Variants in ANKRD12 observed in about 807,000 individuals in gnomAD.
The protein encoded by ANKRD12 is ankyrin repeat domain 12.
ANKRD12 carries 85 observed loss-of-function variants against 183.4 expected under a neutral mutation model. The observed-to-expected ratio is 0.46, with a 90% confidence interval of 0.39 to 0.56. The LOEUF is 0.56. Ranked by LOEUF, ANKRD12 falls within the 20% of genes least tolerant of loss-of-function variation. ANKRD12 has a pLI of 0.00. For synonymous variants in ANKRD12, 914 were observed against 800.2 expected, an observed-to-expected ratio of 1.14 and a Z score of -2.40; for missense variants, 2,405 against 2,357.1, an observed-to-expected ratio of 1.02 and a Z score of -0.42.
intron 1 of ANKRD12, among the ~76,000 whole-genome samples, chr18:9,159,004 C>G (rs1205575882): frequency 6.6e-6 from 1 of 152,122 alleles, no homozygotes; most frequent in East Asian, 1.9e-4. Flanking sequence ...ACCTGTATGC[C>G]TTTGACATAT....
rs556110119 is a variant in ANKRD12, at chr18:9,149,100, C to T, written c.-52+12135C>T. Among the ~76,000 whole-genome samples, 8 of 152,288 alleles carry T rather than the reference C, an allele frequency of 5.3e-5. No individual in the cohort carries two copies. In the South Asian group the frequency reaches 1.7e-3, roughly 32 times the overall value. On this transcript the variant is annotated intron_variant, in intron 1 of 12. Transcript: ENST00000262126. ...TTCCCTCTTCTTGAAATTCCCTACC[C>T]CTACCTCCGTACGCATGCACCCAAA...
intron 6 of ANKRD12, among the ~76,000 whole-genome samples, chr18:9,214,137 C>T (rs540717844): frequency 6.6e-5 from 10 of 151,774 alleles, no homozygotes; most frequent in Admixed American, 2.0e-4. Flanking sequence ...AGATGAACTG[C>T]ATAGCCTAGA....
At chr18:9,203,666 A>T (rs1427893195) in intron 3 of ANKRD12, among the ~76,000 whole-genome samples, 2 of 152,078 alleles carry the variant, frequency 1.3e-5, no homozygotes, top group Non-Finnish European at 2.9e-5. Context: ...GTACAATGGC[A>T]TGATCTCAGC....
chr18:9,186,672 G>A (rs1453903515), intron 2 of ANKRD12, among the ~76,000 whole-genome samples: 5 of 151,432 alleles, frequency 3.3e-5, no homozygotes, highest in African/African-American at 9.7e-5. Flanking sequence ...TTAAGACAAA[G>A]TGAAGAAGTT....
chr18:9,157,192 A>G (rs1356129285), intron 1 of ANKRD12, among the ~76,000 whole-genome samples: 2 of 152,324 alleles, frequency 1.3e-5, no homozygotes, highest in African/African-American at 2.4e-5. Flanking sequence ...CACCTAGTCT[A>G]CTGAACATCA....
At chr18:9,211,928 G>A (rs573880494) in intron 6 of ANKRD12, 144 bp downstream of exon 6, 585 of 677,590 alleles carry the variant, frequency 8.6e-4, no homozygotes, top group Admixed American at 2.8e-3. Context: ...TTTGGAGTTC[G>A]TACATAAAAC....
intron 1 of ANKRD12, among the ~76,000 whole-genome samples, chr18:9,149,788 A>ATTTT (rs768757220): frequency 6.8e-6 from 1 of 146,268 alleles, no homozygotes. Flanking sequence ...TTATTTATTT[A>ATTTT]TTAAATTTTA....
At chr18:9,205,442 G>T (rs775431642) in intron 4 of ANKRD12, among the ~76,000 whole-genome samples, 2 of 151,910 alleles carry the variant, frequency 1.3e-5, no homozygotes, top group Non-Finnish European at 2.9e-5. Context: ...TGTGGGGTTG[G>T]GTTAGGGGCA....
At chr18:9,166,161 A>T (rs2032040687) in intron 1 of ANKRD12, among the ~76,000 whole-genome samples, 1 of 152,158 alleles carries the variant, frequency 6.6e-6, no homozygotes, top group African/African-American at 2.4e-5. Context: ...TGCTGTTGTG[A>T]ATAGTGCCGC....
At chr18:9,264,498 C>G (rs1393472090) in intron 10 of ANKRD12, among the ~76,000 whole-genome samples, 2 of 152,054 alleles carry the variant, frequency 1.3e-5, no homozygotes, top group African/African-American at 4.8e-5. Flanking sequence ...TTGTATATAA[C>G]TTCTTTGGTT....
At chr18:9,252,540 C>T (rs2038358817) in intron 8 of ANKRD12, among the ~76,000 whole-genome samples, 1 of 152,142 alleles carries the variant, frequency 6.6e-6, no homozygotes, top group Non-Finnish European at 1.5e-5. Flanking sequence ...AAAAAGTAGG[C>T]ATCTTTTAAA....
At position 9,222,014 on chromosome 18, in the gene ANKRD12, A is replaced by ATC. The variant is rs559314329; in HGVS notation, c.943+17_943+18dup. 1.7e-4 allele frequency: 281 copies of ATC among 1,611,760 alleles called. No individual in the cohort carries two copies. Among genetic ancestry groups the ATC allele is most frequent in the Non-Finnish European group, 2.3e-4 (274 of 1,179,040 alleles). The stretch of plus-strand genomic sequence containing the variant: ...AAGTTACACAGGTTTGTTTCAGATA[A>ATC]TCTACATTCATCTGTTCGTTTGACA... On this transcript the variant is annotated intron_variant, in intron 8 of 12. Coordinates refer to ENST00000262126, the MANE Select transcript of ANKRD12 (RefSeq NM_015208.5).
intron 1 of ANKRD12, among the ~76,000 whole-genome samples, chr18:9,147,967 G>C (rs2078548841): frequency 6.6e-6 from 1 of 152,154 alleles, no homozygotes; most frequent in Non-Finnish European, 1.5e-5. Flanking sequence ...AATTTTTCTA[G>C]TTTTCAGGGT....
intron 3 of ANKRD12, among the ~76,000 whole-genome samples, chr18:9,202,902 T>C (rs936286180): frequency 4.6e-5 from 7 of 152,204 alleles, no homozygotes; most frequent in African/African-American, 1.7e-4. Context: ...GTCAGAGTGG[T>C]TGCTTACTTC....
intron 2 of ANKRD12, among the ~76,000 whole-genome samples, chr18:9,186,232 C>T (rs1161903068): frequency 1.3e-5 from 2 of 149,824 alleles, no homozygotes; most frequent in Non-Finnish European, 2.9e-5. Flanking sequence ...AAAAGTGTAG[C>T]AACAATAGCA....
rs577615078 is a variant in ANKRD12 at position 9,285,314 on chromosome 18, C to G, written c.*4188C>G. On this transcript the variant is annotated 3_prime_UTR_variant, in exon 13 of 13. Coordinates refer to ENST00000262126, the MANE Select transcript of ANKRD12 (RefSeq NM_015208.5). The stretch of plus-strand genomic sequence containing the variant: ...AGCGTGACGGTGCCTGCCTGTAGTC[C>G]TAGCTACTTGGGAGGTTGAGACAGG... The G allele has an allele frequency of 6.6e-6, 1 of 150,844 alleles. No homozygotes were observed. The highest frequency in any genetic ancestry group is 1.9e-4 in the East Asian group (1 of 5,134). The allele number at this position is 150,844 out of a possible 1,614,324, so 9.3% of individuals were successfully genotyped here.
chr18:9,157,585 G>GTGTGTATATATATATATA (rs1472659778), intron 1 of ANKRD12, among the ~76,000 whole-genome samples: 3 of 92,680 alleles, frequency 3.2e-5, no homozygotes, highest in African/African-American at 1.6e-4. Flanking sequence ...GTGTGTGTGT[G>GTGTGTATATATATATATA]TATATATATA....
At chr18:9,159,686 G>A (rs908865542) in intron 1 of ANKRD12, among the ~76,000 whole-genome samples, 17 of 151,448 alleles carry the variant, frequency 1.1e-4, no homozygotes, top group African/African-American at 3.4e-4. Flanking sequence ...TGATCCACCC[G>A]CCTCGGCCTC....
rs370170049 is a variant in ANKRD12 at position 9,257,914 on chromosome 18, T to G, written c.4647T>G (p.Phe1549Leu). The change falls in exon 9 of 13, where the codon TTT (phenylalanine) becomes TTG (leucine). Residue 1549 changes from phenylalanine to leucine, a missense_variant. Phe to Leu is a conservative substitution (Grantham distance 22, BLOSUM62 0). Transcript: ENST00000262126. ...CTACAAAAGATACAGAAAATACTTT[T>G]GTCCTAGGAGATGTTCAAAAAACAG... ...NESTKDTENT[F>L]VLGDVQKTDA... 3.7e-6 allele frequency: 6 copies of G among 1,613,878 alleles called. No homozygotes were observed. In the African/African-American group the frequency reaches 8.0e-5, roughly 22 times the overall value.
Sources: gnomAD v4.1 joint callset for allele counts (sites outside exome capture counted in the v4.1 genomes callset) on GRCh38, gnomAD v4.1.1 for gene constraint, MANE v1.5 for transcripts, NCBI Gene and HGNC (gene_info 2026-07-23, HGNC 2026-07-21) for gene names.